MCU: variants seen among roughly 807,000 people sequenced by gnomAD.
The protein encoded by MCU is mitochondrial calcium uniporter, also known as calcium uniporter protein, mitochondrial.
A neutral mutation model predicts 45.2 loss-of-function variants in MCU; 12 were observed. That is an observed-to-expected ratio of 0.27 (90% CI 0.17 to 0.43). MCU has a LOEUF of 0.43. Ranked by LOEUF, MCU falls within the 20% of genes least tolerant of loss-of-function variation. The pLI is 1.00. For missense variants in MCU, 324 were observed against 436.7 expected (o/e 0.74, Z 2.30); for synonymous variants, 160 against 165.1 (o/e 0.97, Z 0.24).
chr10:72,812,131 C>G (rs1197283404), intron 1 of MCU, among the ~76,000 whole-genome samples: 7 of 150,338 alleles, frequency 4.7e-5, no homozygotes, highest in Non-Finnish European at 1.0e-4. Context: ...TTTGTAATTT[C>G]AAGGTTTCTT....
chr10:72,805,109 T>TTC (rs1266126746), intron 1 of MCU, among the ~76,000 whole-genome samples: 107 of 112,342 alleles, frequency 9.5e-4, no homozygotes, highest in African/African-American at 4.0e-3. Flanking sequence ...TTCTCTTTCT[T>TTC]TCTTTCTTTC....
chr10:72,835,543 A>G lies in MCU; in HGVS notation c.220+1115A>G, dbSNP rs961211156. Reference sequence around the variant, plus strand: ...AATCATGAGAACACTAGAATCCCCAACATTTAGTCAGTATAATATTTGCAG... The same window carrying G: ...AATCATGAGAACACTAGAATCCCCAGCATTTAGTCAGTATAATATTTGCAG... On this transcript the variant is annotated intron_variant, in intron 2 of 7. Coordinates refer to ENST00000373053, the MANE Select transcript of MCU (RefSeq NM_138357.3). 9.7e-4 allele frequency among the ~76,000 whole-genome samples: 147 copies of G among 152,180 alleles called. 2 individuals carry two copies. The highest frequency in any genetic ancestry group is 8.7e-4 in the Non-Finnish European group (59 of 68,030).
At chr10:72,753,831 A>G (rs995127750) in intron 1 of MCU, among the ~76,000 whole-genome samples, 1 of 152,114 alleles carries the variant, frequency 6.6e-6, no homozygotes. Flanking sequence ...GTGATCTGTG[A>G]TCACGCCACT....
intron 1 of MCU, among the ~76,000 whole-genome samples, chr10:72,729,542 A>G (rs892097695): frequency 6.6e-6 from 1 of 152,232 alleles, no homozygotes; most frequent in African/African-American, 2.4e-5. Flanking sequence ...CACGTGAGAT[A>G]AATTCAGTTT....
intron 2 of MCU, among the ~76,000 whole-genome samples, chr10:72,852,772 G>A (rs914661562): frequency 4.6e-5 from 7 of 152,190 alleles, no homozygotes; most frequent in Admixed American, 3.3e-4. Context: ...GAGGAGTCTC[G>A]GAAATCTGCA....
intron 2 of MCU, among the ~76,000 whole-genome samples, chr10:72,849,561 G>T (rs1845175807): frequency 6.6e-6 from 1 of 152,118 alleles, no homozygotes; most frequent in Admixed American, 6.6e-5. Flanking sequence ...ACTTTGGGAG[G>T]ACGTGAGATT....
chr10:72,748,940 C>T (rs905633467), intron 1 of MCU, among the ~76,000 whole-genome samples: 1 of 152,160 alleles, frequency 6.6e-6, no homozygotes, highest in African/African-American at 2.4e-5. Flanking sequence ...GAAAAGCACT[C>T]ACTATTCCAC....
At chr10:72,830,121 A>G (rs1286566567) in intron 1 of MCU, among the ~76,000 whole-genome samples, 2 of 152,190 alleles carry the variant, frequency 1.3e-5, no homozygotes, top group East Asian at 3.8e-4. Flanking sequence ...GCAGCTACTC[A>G]ACTCTTGCAG....
At chr10:72,811,735 T>C (rs889714352) in intron 1 of MCU, among the ~76,000 whole-genome samples, 4 of 152,226 alleles carry the variant, frequency 2.6e-5, no homozygotes, top group African/African-American at 9.6e-5. Context: ...GATAATGTTT[T>C]GAATTTTTGC....
chr10:72,775,984 G>T (rs1843886746), intron 1 of MCU, among the ~76,000 whole-genome samples: 1 of 152,054 alleles, frequency 6.6e-6, no homozygotes, highest in African/African-American at 2.4e-5. Context: ...GGGCAACATA[G>T]TGAGACCCTG....
In MCU at chr10:72,713,291, G is replaced by GT. The variant is rs1193331924; in HGVS notation, c.150+20995dup. Among the ~76,000 whole-genome samples, 28 of 152,192 alleles carry GT rather than the reference G, an allele frequency of 1.8e-4. No homozygotes were observed. The East Asian group carries it at 4.6e-3, about 25-fold the overall frequency. On this transcript the variant is annotated intron_variant, in intron 1 of 7. Transcript: ENST00000373053. Reference sequence around the variant, plus strand: ...GGGAGAGTTTTTTTTGTTTTGTTTTGTTTTTGAGACGAAGTCTCACTCTTG... The same window carrying GT: ...GGGAGAGTTTTTTTTGTTTTGTTTTGTTTTTTGAGACGAAGTCTCACTCTTG...
intron 1 of MCU, among the ~76,000 whole-genome samples, chr10:72,749,942 C>CT (rs761722638): frequency 0.02 from 2,721 of 139,174 alleles, 36 homozygotes; most frequent in Admixed American, 0.027. Context: ...AATTTTTGTA[C>CT]TTTTTTTTTT....
intron 1 of MCU, chr10:72,756,460 T>G (rs958413462): frequency 2.0e-5 from 3 of 152,198 alleles, no homozygotes; most frequent in African/African-American, 7.2e-5. Flanking sequence ...CATAAAAATT[T>G]TCTTTTGAGT....
rs145594292 is a variant in MCU, at chr10:72,708,889, C to T, written c.150+16588C>T. 5.3e-5 allele frequency among the ~76,000 whole-genome samples: 8 copies of T among 152,234 alleles called. No individual in the cohort carries two copies. The South Asian group carries it at 6.2e-4, about 12-fold the overall frequency. On this transcript the variant is annotated intron_variant, in intron 1 of 7. Coordinates refer to ENST00000373053, the MANE Select transcript of MCU (RefSeq NM_138357.3). The stretch of plus-strand genomic sequence containing the variant: ...ATTTGAGGCCAGGCTCAGTGGCTCA[C>T]GTTTGTAATCCCAGCACTTTGGGAG...
intron 1 of MCU, among the ~76,000 whole-genome samples, chr10:72,763,670 T>C (rs1428165285): frequency 6.6e-6 from 1 of 152,142 alleles, no homozygotes; most frequent in Non-Finnish European, 1.5e-5. Context: ...CATTGAAGGA[T>C]TTGAAACTGG....
chr10:72,856,810 G>C (rs539577236), intron 2 of MCU, among the ~76,000 whole-genome samples: 735 of 4,826 alleles, frequency 0.15, 13 homozygotes, highest in African/African-American at 0.34. Context: ...TGGCATGGTG[G>C]TGCACGCCTG....
At chr10:72,856,719 A>G (rs1845295316) in intron 2 of MCU, among the ~76,000 whole-genome samples, 1 of 150,022 alleles carries the variant, frequency 6.7e-6, no homozygotes, top group Admixed American at 6.7e-5. Flanking sequence ...TCGCTGCTCA[A>G]GCTCAGGAGT....
intron 1 of MCU, among the ~76,000 whole-genome samples, chr10:72,823,957 A>G (rs1420057259): frequency 2.6e-5 from 4 of 152,088 alleles, no homozygotes; most frequent in African/African-American, 4.8e-5. Context: ...AGGCTGAGGC[A>G]GGAGGATCAC....
intron 1 of MCU, among the ~76,000 whole-genome samples, chr10:72,807,164 C>CTT (rs1316158468): frequency 6.6e-6 from 1 of 152,076 alleles, no homozygotes; most frequent in Non-Finnish European, 1.5e-5. Context: ...TTTAGCTGAG[C>CTT]TTAAAAGCCT....
Sources: gnomAD v4.1 joint callset for allele counts (sites outside exome capture counted in the v4.1 genomes callset) on GRCh38, gnomAD v4.1.1 for gene constraint, MANE v1.5 for transcripts, NCBI Gene and HGNC (gene_info 2026-07-23, HGNC 2026-07-21) for gene names.